PEX5: variants seen among roughly 807,000 people sequenced by gnomAD.
PEX5 encodes peroxisomal biogenesis factor 5, also known as PTS1 receptor.
Under a neutral mutation model 82.9 loss-of-function variants are expected in PEX5, and 52 were observed. The observed-to-expected ratio is 0.63, with a 90% confidence interval of 0.50 to 0.79. The LOEUF (loss-of-function observed/expected upper bound fraction) is 0.79. Among genes scored for constraint, PEX5 ranks in the 30% least tolerant of loss-of-function variants. The probability of loss-of-function intolerance (pLI) is 0.00; values close to 1 mark genes in which losing one functional copy is unlikely to be tolerated. For synonymous variants in PEX5, 300 were observed against 318.8 expected, an observed-to-expected ratio of 0.94 and a Z score of 0.63; for missense variants, 719 against 815.2, an observed-to-expected ratio of 0.88 and a Z score of 1.44.
chr12:7,196,317 T>A (rs1346857576), intron 5 of PEX5, among the ~76,000 whole-genome samples: 1 of 110,460 alleles, frequency 9.1e-6, no homozygotes, highest in African/African-American at 3.4e-5. Flanking sequence ...ATAATTTAAT[T>A]ATATATGTCA....
chr12:7,191,268 T>C lies in PEX5; in HGVS notation c.226T>C (p.Ser76Pro). 6.2e-7 allele frequency: 1 copy of C among 1,614,156 alleles called. No homozygotes were observed. The highest frequency in any genetic ancestry group is 8.5e-7 in the Non-Finnish European group (1 of 1,180,002). ...GCAGGACCAGAATGCACCCCTTGTG[T>C]CCCGTGCCCCTCAGACCTTCAAGAT... ...FLQDQNAPLV[S>P]RAPQTFKMDD... Residue 76 changes from serine (S) to proline (P), a missense_variant, in exon 4 of 16, where the codon TCC (serine) becomes CCC (proline). By Grantham distance (74) the Ser-to-Pro change is moderately conservative. Coordinates refer to ENST00000675855, the MANE Select transcript of PEX5 (RefSeq NM_001351132.2).
At chr12:7,198,598 T>A (rs934283434) in intron 5 of PEX5, among the ~76,000 whole-genome samples, 2 of 152,160 alleles carry the variant, frequency 1.3e-5, no homozygotes, top group Non-Finnish European at 2.9e-5. Flanking sequence ...AACAGACCAG[T>A]GCCTTGGTTA....
At position 7,211,222 on chromosome 12, in the gene PEX5, A is replaced by T. The variant is rs759738677; in HGVS notation, c.*999A>T. The T allele has an allele frequency of 3.9e-5, 6 of 152,614 alleles. No individual in the cohort carries two copies. Among genetic ancestry groups the T allele is most frequent in the Admixed American group, 6.5e-5 (1 of 15,278 alleles). The allele number at this position is 152,614 out of a possible 1,614,324, so 9.5% of individuals were successfully genotyped here. A position where few individuals can be genotyped will look rare whatever the true frequency, so the allele number is the denominator to read the frequency against. On this transcript the variant is annotated 3_prime_UTR_variant, in exon 16 of 16. Transcript: ENST00000675855. ...TGGAAAATCCCCTTCCCCCATCTAG[A>T]TCGAAGGAAGATGAGGGAGCAGCTT...
chr12:7,199,984 C>T lies in PEX5; in HGVS notation c.551+871C>T, dbSNP rs866226323. ...CTGGCCGGGCGGGGGGCTGACCCCC[C>T]GCCTCCCTCCCGGACGGGGCGGCTG... On this transcript the variant is annotated intron_variant, in intron 6 of 15. Coordinates refer to ENST00000675855, the MANE Select transcript of PEX5 (RefSeq NM_001351132.2). 3.9e-4 allele frequency among the ~76,000 whole-genome samples: 47 copies of T among 121,376 alleles called. 3 individuals are homozygous for T. Among genetic ancestry groups the T allele is most frequent in the South Asian group, 1.2e-3 (4 of 3,460 alleles). The allele number at this position is 121,376 out of a possible 152,430, so 79.6% of individuals were successfully genotyped here.
chr12:7,190,583 A>C lies in PEX5; in HGVS notation c.147+59A>C, dbSNP rs183090244. ...GCCTCTGAGGCAGTGAGTGTTCTTG[A>C]GGTGGAAAGCCCAGGTGCAGCCTCT... On this transcript the variant is annotated intron_variant, in intron 2 of 15. Transcript: ENST00000675855. The C allele has an allele frequency of 5.1e-6, 5 of 981,220 alleles. No homozygotes were observed. The African/African-American group carries it at 7.2e-5, about 14-fold the overall frequency. 60.8% of individuals were successfully genotyped at this position (981,220 alleles called of 1,614,324 possible). A position where few individuals can be genotyped will look rare whatever the true frequency, so the allele number is the denominator to read the frequency against.
intron 5 of PEX5, among the ~76,000 whole-genome samples, chr12:7,193,442 C>T (rs1376380523): frequency 6.6e-6 from 1 of 152,088 alleles, no homozygotes; most frequent in Non-Finnish European, 1.5e-5. Flanking sequence ...CCATGTTGGC[C>T]AGGCTGGTCT....
chr12:7,213,427 A>G (rs1945682951), downstream of PEX5, among the ~76,000 whole-genome samples: 1 of 108,318 alleles, frequency 9.2e-6, no homozygotes, highest in Admixed American at 1.1e-4. Flanking sequence ...ATAACACCGC[A>G]TATCTACAAC....
chr12:7,191,249 C>T lies in PEX5; in HGVS notation c.207C>T (p.Asp69=). Residue 69 remains aspartate, a synonymous_variant, in exon 4 of 16, where the codon GAC becomes GAT. Transcript: ENST00000675855. ...EDELVAEFLQ[D]QNAPLVSRAP... ...AGTTGGTGGCTGAATTCCTGCAGGA[C>T]CAGAATGCACCCCTTGTGTCCCGTG... 1 of 1,614,122 alleles carries T rather than the reference C, an allele frequency of 6.2e-7. No homozygotes were observed. The highest frequency in any genetic ancestry group is 8.5e-7 in the Non-Finnish European group (1 of 1,180,010).
chr12:7,215,033 T>C (rs1945739438), downstream of PEX5, among the ~76,000 whole-genome samples: 1 of 152,184 alleles, frequency 6.6e-6, no homozygotes, highest in African/African-American at 2.4e-5. Context: ...GGTGACTTTG[T>C]AGTCCGCAAA....
intron 7 of PEX5, 129 bp downstream of exon 7, chr12:7,201,970 A>G (rs1944120098): frequency 1.3e-6 from 1 of 778,624 alleles, no homozygotes; most frequent in Admixed American, 2.0e-5. Flanking sequence ...TCCTGTCTAT[A>G]GAACAGAGAC....
intron 14 of PEX5, among the ~76,000 whole-genome samples, chr12:7,209,393 C>A (rs1945235109): frequency 2.0e-5 from 3 of 152,088 alleles, no homozygotes; most frequent in Admixed American, 2.0e-4. Flanking sequence ...CTTTTGGAGT[C>A]TTGGGGTATT....
intron 5 of PEX5, among the ~76,000 whole-genome samples, chr12:7,196,109 TATTAC>T (rs1209124699): frequency 1.5e-5 from 2 of 129,954 alleles, no homozygotes; most frequent in Non-Finnish European, 3.3e-5. Flanking sequence ...ACGTATTTCT[TATTAC>T]ATTATGTTAT....
chr12:7,190,028 C>A, intron 1 of PEX5: 1 of 1,503,746 alleles, frequency 6.7e-7, no homozygotes, highest in South Asian at 1.3e-5. Context: ...GCAGTGTCGC[C>A]GTCCAGCCTG....
In PEX5 at chr12:7,202,699, A is replaced by G. The variant is rs967983805; in HGVS notation, c.841A>G (p.Ile281Val). Residue 281 changes from isoleucine to valine, a missense_variant, in exon 9 of 16, where the codon ATA becomes GTA. By Grantham distance (29) the Ile-to-Val change is conservative. Coordinates refer to ENST00000675855, the MANE Select transcript of PEX5 (RefSeq NM_001351132.2). ...GGAGTTTGAACGAGCCAAGTCAGCT[A>G]TAGAGGTGAGAGCAGATAGTGCAGG... ...DMEFERAKSAIESDVDFWDKL... is the reference protein window; with the variant it reads ...DMEFERAKSAVESDVDFWDKL... 18 of 1,612,098 alleles carry G rather than the reference A, an allele frequency of 1.1e-5. No individual in the cohort carries two copies. The highest frequency in any genetic ancestry group is 1.7e-5 in the Admixed American group (1 of 59,994).
intron 1 of PEX5, chr12:7,190,109 C>T (rs996662372): frequency 2.3e-5 from 34 of 1,487,086 alleles, no homozygotes; most frequent in Non-Finnish European, 2.8e-5. Flanking sequence ...GCCCCCAGCC[C>T]ATGGGACCGT....
chr12:7,209,741 A>C lies in PEX5; in HGVS notation c.1619A>C (p.Glu540Ala), dbSNP rs1460981277. ...CTGGCCAATGGAAACCAGAGTGAAG[A>C]AGCAGTAGCTGCGTACCGCCGGGCC... ...ATLANGNQSE[E>A]AVAAYRRALE... Residue 540 changes from glutamate (E) to alanine (A), a missense_variant, in exon 15 of 16, where the codon GAA becomes GCA. Coordinates refer to ENST00000675855, the MANE Select transcript of PEX5 (RefSeq NM_001351132.2). The C allele has an allele frequency of 6.7e-7, 1 of 1,492,438 alleles. No individual in the cohort carries two copies. The highest frequency in any genetic ancestry group is 2.6e-5 in the East Asian group (1 of 38,234). 92.4% of individuals were successfully genotyped at this position (1,492,438 alleles called of 1,614,324 possible).
At chr12:7,205,565 G>A (rs1353791912) in intron 10 of PEX5, among the ~76,000 whole-genome samples, 3 of 152,172 alleles carry the variant, frequency 2.0e-5, no homozygotes, top group Non-Finnish European at 4.4e-5. Flanking sequence ...TGAGATTTTG[G>A]AGCAGACCAG....
Position 7,210,886 on chromosome 12 carries a change from GTGTC to G in PEX5, c.*666_*669del, listed in dbSNP as rs760032747. ...AGCTGCCAGGGCCAATTGCTACAGA[GTGTC>G]TGGGTGTGTGGCATAGGAGGAAGGT... On this transcript the variant is annotated 3_prime_UTR_variant, in exon 16 of 16. Transcript: ENST00000675855. 54 of 167,324 alleles carry G rather than the reference GTGTC, an allele frequency of 3.2e-4. No homozygotes were observed. Among genetic ancestry groups the G allele is most frequent in the Non-Finnish European group, 1.9e-4 (14 of 75,610 alleles). The allele number at this position is 167,324 out of a possible 1,614,324, so 10.4% of individuals were successfully genotyped here.
At chr12:7,213,350 CA>C (rs1313748785), downstream of PEX5, among the ~76,000 whole-genome samples, 1 of 151,602 alleles carries the variant, frequency 6.6e-6, no homozygotes, top group Non-Finnish European at 1.5e-5. Flanking sequence ...CTACAGTAAC[CA>C]AAACAGCATG....
Sources: allele counts gnomAD v4.1 joint callset (sites outside exome capture counted in the v4.1 genomes callset), GRCh38; gene constraint gnomAD v4.1.1; transcripts MANE v1.5; gene names NCBI Gene and HGNC (gene_info 2026-07-23, HGNC 2026-07-21).